The following SPTBN4 variants were observed in gnomAD, a reference collection of about 807,000 sequenced individuals.
SPTBN4 encodes the protein spectrin beta chain, non-erythrocytic 4.
In SPTBN4, 96 loss-of-function variants were observed where a neutral mutation model predicts 277.8. The observed-to-expected ratio is 0.35, with a 90% CI of 0.29 to 0.41. The LOEUF is 0.41. SPTBN4 is among the 10% of genes least tolerant of loss of function. The pLI is 1.00. For synonymous variants in SPTBN4, 1,481 were observed against 1,580.3 expected, an observed-to-expected ratio of 0.94 and a Z score of 1.49; for missense variants, 3,006 against 3,595.7, an observed-to-expected ratio of 0.84 and a Z score of 4.19.
rs186929665 is a variant in SPTBN4 at position 40,539,627 on chromosome 19, C to G, written c.4359+5284C>G. ...CCTGAGTAGCTGGGATTACAGGCAC[C>G]TGCCACCACGCCTGGCTAATTTTTG... is the stretch of plus-strand genomic sequence containing the variant. On this transcript the variant is annotated intron_variant, in intron 20 of 35. Transcript: ENST00000598249. Among the ~76,000 whole-genome samples the G allele has an allele frequency of 1.2e-4, 18 of 152,068 alleles. 1 individual carries two copies. Among genetic ancestry groups the G allele is most frequent in the Admixed American group, 1.2e-3 (18 of 15,262 alleles).
At position 40,519,044 on chromosome 19, in the gene SPTBN4, G is replaced by A. The variant is rs2080492330; in HGVS notation, c.2904-357G>A. Among the ~76,000 whole-genome samples the A allele has an allele frequency of 6.6e-6, 1 of 152,188 alleles. No homozygotes were observed. The highest frequency in any genetic ancestry group is 6.5e-5 in the Admixed American group (1 of 15,278). On this transcript the variant is annotated intron_variant, in intron 15 of 35. Coordinates refer to ENST00000598249, the MANE Select transcript of SPTBN4 (RefSeq NM_020971.3). The surrounding 1 kb of genome is among the most constrained non-coding windows in gnomAD (Gnocchi z 5.7). ...CAAATCTCTTTAAAGTCTGGTTTAA[G>A]AGATGGCAGCTGGGCTTCTCTTAAA...
chr19:40,563,209 C>CT (rs2081060447), intron 27 of SPTBN4, among the ~76,000 whole-genome samples: 1 of 151,864 alleles, frequency 6.6e-6, no homozygotes, highest in Non-Finnish European at 1.5e-5. Context: ...GAGATTCTGT[C>CT]TTAAAAAAAA....
chr19:40,556,327 A>G (rs532057895), intron 25 of SPTBN4, 39 bp downstream of exon 25: 31 of 1,564,934 alleles, frequency 2.0e-5, no homozygotes, highest in Non-Finnish European at 2.6e-5. Flanking sequence ...AGGAGCTACC[A>G]CTAAGGTTCT....
At chr19:40,469,762 G>T (rs2079864592) in intron 1 of SPTBN4, among the ~76,000 whole-genome samples, 1 of 151,372 alleles carries the variant, frequency 6.6e-6, no homozygotes, top group Admixed American at 6.6e-5. Flanking sequence ...TCCTGTCTCA[G>T]CCTCCTGAGT....
intron 7 of SPTBN4, among the ~76,000 whole-genome samples, chr19:40,498,377 ATTTATTT>A (rs2080224804): frequency 7.1e-5 from 6 of 84,210 alleles, no homozygotes; most frequent in South Asian, 3.0e-4. Context: ...ATTTTATTTT[ATTTATTT>A]ATTTATTTAT....
intron 3 of SPTBN4, among the ~76,000 whole-genome samples, chr19:40,488,800 A>T (rs1317537401): frequency 6.6e-6 from 1 of 151,632 alleles, no homozygotes; most frequent in African/African-American, 2.4e-5. Context: ...ACAAAGCGAG[A>T]CTCTGTTTCT....
At chr19:40,571,880 A>T in intron 33 of SPTBN4, 139 bp from the exon 34 acceptor site, 1 of 920,332 alleles carries the variant, frequency 1.1e-6, no homozygotes, top group Non-Finnish European at 1.6e-6. Flanking sequence ...AGAGCATTTT[A>T]GGTCCAACTA....
At chr19:40,499,829 C>T (rs1171060722) in intron 7 of SPTBN4, among the ~76,000 whole-genome samples, 2 of 152,064 alleles carry the variant, frequency 1.3e-5, no homozygotes, top group Admixed American at 6.6e-5. Context: ...TACCCTGCCT[C>T]TTATAGCTGT....
At chr19:40,557,513 A>G in intron 26 of SPTBN4, 110 bp downstream of exon 26, 2 of 1,340,868 alleles carry the variant, frequency 1.5e-6, no homozygotes, top group South Asian at 1.5e-5. Flanking sequence ...AGTGGCACAG[A>G]CAGAAAGCGG....
Position 40,565,650 on chromosome 19 carries a change from G to A in SPTBN4, c.6055-11G>A, listed in dbSNP as rs772942552. ...ACCCTGACTTCCCTCCCACCCACCT[G>A]CCACTCCCAGATCCAGGCACAGCTG... On this transcript the variant is annotated splice_polypyrimidine_tract_variant and intron_variant, in intron 28 of 35. Coordinates refer to ENST00000598249, the MANE Select transcript of SPTBN4 (RefSeq NM_020971.3). 8 of 1,556,652 alleles carry A rather than the reference G, an allele frequency of 5.1e-6. No individual in the cohort carries two copies. The highest frequency in any genetic ancestry group is 1.4e-5 in the African/African-American group (1 of 73,254).
chr19:40,545,717 G>A (rs1487894428), intron 20 of SPTBN4, among the ~76,000 whole-genome samples: 1 of 151,904 alleles, frequency 6.6e-6, no homozygotes, highest in Non-Finnish European at 1.5e-5. Context: ...AGACTAGCCT[G>A]GCCAACATGG....
intron 29 of SPTBN4, 124 bp from the exon 30 acceptor site, chr19:40,566,039 G>T: frequency 1.9e-6 from 2 of 1,029,842 alleles, no homozygotes; most frequent in Non-Finnish European, 1.4e-6. Context: ...TTCCTGCAGA[G>T]CCCAGGATGG....
chr19:40,540,970 G>A (rs2080795117), intron 20 of SPTBN4, among the ~76,000 whole-genome samples: 1 of 152,076 alleles, frequency 6.6e-6, no homozygotes, highest in African/African-American at 2.4e-5. Context: ...CTCCCCAGCA[G>A]TACACATGAG....
rs192999697 is a variant in SPTBN4 at position 40,559,961 on chromosome 19, G to C, written c.5671-198G>C. ...AATCAGGCAGTGGGTTGAAAGAGAT[G>C]TGGTAGTAGATCTAAAAGAAGTCAG... On this transcript the variant is annotated intron_variant, in intron 26 of 35. Transcript: ENST00000598249. Among the ~76,000 whole-genome samples, 4 of 152,372 alleles carry C rather than the reference G, an allele frequency of 2.6e-5. No individual in the cohort carries two copies. The East Asian group carries it at 7.7e-4, about 29-fold the overall frequency.
intron 7 of SPTBN4, among the ~76,000 whole-genome samples, chr19:40,500,671 A>G (rs1247400304): frequency 6.6e-6 from 1 of 152,118 alleles, no homozygotes; most frequent in African/African-American, 2.4e-5. Flanking sequence ...TAAAAAATAA[A>G]AAGTCTATTT....
chr19:40,557,940 A>AT (rs2081000845), intron 26 of SPTBN4, among the ~76,000 whole-genome samples: 1 of 150,822 alleles, frequency 6.6e-6, no homozygotes, highest in South Asian at 2.1e-4. Context: ...AAAAAAAAAA[A>AT]GCTTCCAATA....
chr19:40,573,781 T>C (rs1165842), intron 35 of SPTBN4, among the ~76,000 whole-genome samples: 8,480 of 136,190 alleles, frequency 0.062, 509 homozygotes, highest in African/African-American at 0.17. Flanking sequence ...CCAGCCTGGG[T>C]AACAAGAGCA....
rs149499618 is a variant in SPTBN4, at chr19:40,471,677, A to G, written c.-15-930A>G. Among the ~76,000 whole-genome samples the G allele has an allele frequency of 1.9e-3, 287 of 152,296 alleles. 1 individual carries two copies. Among genetic ancestry groups the G allele is most frequent in the Middle Eastern group, 6.8e-3 (2 of 294 alleles). Reference sequence around the variant, plus strand: ...AGCCTTGGCTTCTTGGGCTCAAGCCATCTTCCTGCCTCAGCCTCCTAAATA... The same window carrying G: ...AGCCTTGGCTTCTTGGGCTCAAGCCGTCTTCCTGCCTCAGCCTCCTAAATA... On this transcript the variant is annotated intron_variant, in intron 1 of 35. Coordinates refer to ENST00000598249, the MANE Select transcript of SPTBN4 (RefSeq NM_020971.3).
chr19:40,550,094 A>C (rs1037221572), intron 21 of SPTBN4, 144 bp from the exon 22 acceptor site: 7 of 629,686 alleles, frequency 1.1e-5, no homozygotes, highest in African/African-American at 1.1e-4. Context: ...AAAAAAAAAA[A>C]ACAAAAAATG....
Sources: allele counts gnomAD v4.1 joint callset (sites outside exome capture counted in the v4.1 genomes callset), GRCh38; gene constraint gnomAD v4.1.1; non-coding constraint Gnocchi (gnomAD v3.1); transcripts MANE v1.5; gene names NCBI Gene and HGNC (gene_info 2026-07-23, HGNC 2026-07-21).